ZNF268: variants seen among roughly 807,000 people sequenced by gnomAD.
The protein encoded by ZNF268 is zinc finger protein 268.
Under a neutral mutation model 29.3 loss-of-function variants are expected in ZNF268, and 20 were observed. The ratio of observed to expected loss-of-function variants is 0.68; its 90% confidence interval spans 0.48 to 0.99. The LOEUF (loss-of-function observed/expected upper bound fraction) is 0.99. Ranked by LOEUF, ZNF268 falls within the 50% of genes least tolerant of loss-of-function variation. The pLI is 0.00. For missense variants in ZNF268, 1,240 were observed against 1,121.6 expected (o/e 1.11, Z -1.51); for synonymous variants, 429 against 376.9 (o/e 1.14, Z -1.60).
chr12:133,186,865 C>T (rs1956331648), intron 2 of ZNF268, among the ~76,000 whole-genome samples: 2 of 152,224 alleles, frequency 1.3e-5, no homozygotes, highest in South Asian at 2.1e-4. Flanking sequence ...ATGGCACACA[C>T]ATGCGTATAC....
intron 5 of ZNF268, among the ~76,000 whole-genome samples, chr12:133,200,687 A>G (rs1163383364): frequency 2.0e-5 from 3 of 151,894 alleles, no homozygotes; most frequent in Non-Finnish European, 4.4e-5. Flanking sequence ...TCTATTTTCT[A>G]TCTTTCCCTT....
rs944184499 is a variant in ZNF268, at chr12:133,211,107, A to G, written c.*6577A>G. The G allele has an allele frequency of 1.1e-5, 5 of 435,836 alleles. No individual in the cohort carries two copies. Among genetic ancestry groups the G allele is most frequent in the African/African-American group, 1.0e-4 (5 of 49,426 alleles). The allele number at this position is 435,836 out of a possible 1,614,324, so 27.0% of individuals were successfully genotyped here. A position where few individuals can be genotyped will look rare whatever the true frequency, so the allele number is the denominator to read the frequency against. Reference sequence around the variant, plus strand: ...AGTAGATGGCCATAGACAAAAGTCAAGTGATTTCCTATATATTTGAAATAA... The same window carrying G: ...AGTAGATGGCCATAGACAAAAGTCAGGTGATTTCCTATATATTTGAAATAA... On this transcript the variant is annotated 3_prime_UTR_variant, in exon 6 of 6. Transcript: ENST00000536435.
intron 2 of ZNF268, among the ~76,000 whole-genome samples, chr12:133,185,055 G>A (rs999839445): frequency 3.3e-5 from 5 of 151,504 alleles, no homozygotes; most frequent in African/African-American, 1.2e-4. Context: ...GTGATGGTGG[G>A]CACCTGTAAT....
chr12:133,200,256 T>A (rs999673536), intron 5 of ZNF268, among the ~76,000 whole-genome samples: 1 of 152,230 alleles, frequency 6.6e-6, no homozygotes, highest in African/African-American at 2.4e-5. Flanking sequence ...TCAAAGAACA[T>A]CTTTATTTCT....
chr12:133,201,890 C>T (rs929312856), intron 5 of ZNF268, among the ~76,000 whole-genome samples: 1 of 151,960 alleles, frequency 6.6e-6, no homozygotes, highest in Non-Finnish European at 1.5e-5. Context: ...TTTACTATGC[C>T]TATCTTCAGT....
At position 133,202,996 on chromosome 12, in the gene ZNF268, C is replaced by G. The variant is rs1956792124; in HGVS notation, c.1310C>G (p.Thr437Ser). The G allele has an allele frequency of 1.3e-6, 2 of 1,548,682 alleles. No individual in the cohort carries two copies. Among genetic ancestry groups the G allele is most frequent in the Non-Finnish European group, 1.7e-6 (2 of 1,152,534 alleles). Reference sequence around the variant, plus strand: ...TCAAACCTTATGGTACATCAGAGAACCCATACAGGGGAGAAACCTTATGTT... The same window carrying G: ...TCAAACCTTATGGTACATCAGAGAAGCCATACAGGGGAGAAACCTTATGTT... Reference protein sequence around the residue: ...TKSNLMVHQRTHTGEKPYVCS... With the variant: ...TKSNLMVHQRSHTGEKPYVCS... Residue 437 changes from threonine to serine, a missense_variant, in exon 6 of 6, where the codon ACC becomes AGC. This residue lies in a region of ZNF268 where 1,177 missense variants were observed against 1,039.6 expected (regional missense o/e 1.13). Transcript: ENST00000536435.
At chr12:133,184,385 G>A (rs887335149) in intron 2 of ZNF268, among the ~76,000 whole-genome samples, 15 of 152,134 alleles carry the variant, frequency 9.9e-5, no homozygotes, top group Non-Finnish European at 2.1e-4. Flanking sequence ...GATTACAGGC[G>A]TGAGCCACCG....
intron 5 of ZNF268, chr12:133,193,340 A>C (rs568060240): frequency 4.5e-5 from 23 of 514,168 alleles, no homozygotes; most frequent in African/African-American, 2.5e-4. Context: ...CAAAAAAAGA[A>C]GACTTCTGTC....
chr12:133,199,242 T>A (rs575931710), intron 5 of ZNF268, among the ~76,000 whole-genome samples: 51 of 152,350 alleles, frequency 3.3e-4, no homozygotes, highest in Non-Finnish European at 1.8e-4. Context: ...GTTTTTAGCA[T>A]GAAGGGTTGT....
At position 133,207,463 on chromosome 12, in the gene ZNF268, T is replaced by G. The variant is rs1046841068; in HGVS notation, c.*2933T>G. 1 of 152,240 alleles carries G rather than the reference T, an allele frequency of 6.6e-6. No homozygotes were observed. The highest frequency in any genetic ancestry group is 2.4e-5 in the African/African-American group (1 of 41,458). 9.4% of individuals were successfully genotyped at this position (152,240 alleles called of 1,614,324 possible). Reference sequence around the variant, plus strand: ...TATTAGTGGATCCAGCATCCTTTGTTCATTACCAGCAGAATCACTATTATT... The same window carrying G: ...TATTAGTGGATCCAGCATCCTTTGTGCATTACCAGCAGAATCACTATTATT... On this transcript the variant is annotated 3_prime_UTR_variant, in exon 6 of 6. Transcript: ENST00000536435.
chr12:133,190,394 C>T lies in ZNF268; in HGVS notation c.235-1095C>T, dbSNP rs1402237839. Among the ~76,000 whole-genome samples the T allele has an allele frequency of 3.3e-5, 5 of 152,302 alleles. No individual in the cohort carries two copies. The South Asian group carries it at 1.0e-3, about 32-fold the overall frequency. ...TGCCAAACTGGCTTCCAAAGTGACTCTACCACTTTTCATTCCCACCAGCAA... is the reference window on the plus strand; with the variant it reads ...TGCCAAACTGGCTTCCAAAGTGACTTTACCACTTTTCATTCCCACCAGCAA... On this transcript the variant is annotated intron_variant, in intron 3 of 5. Coordinates refer to ENST00000536435, the MANE Select transcript of ZNF268 (RefSeq NM_003415.3).
intron 3 of ZNF268, among the ~76,000 whole-genome samples, chr12:133,190,286 T>A (rs933614997): frequency 6.6e-6 from 1 of 152,248 alleles, no homozygotes; most frequent in Non-Finnish European, 1.5e-5. Flanking sequence ...CTATTTTTGC[T>A]TTGACGTAAG....
At chr12:133,184,605 CT>C in intron 2 of ZNF268, 1 of 357,108 alleles carries the variant, frequency 2.8e-6, no homozygotes, top group Non-Finnish European at 5.9e-6. Flanking sequence ...GGCCGCACCT[CT>C]TTATTTATTT....
chr12:133,191,809 C>T, intron 4 of ZNF268, 99 bp from the exon 5 acceptor site: 1 of 1,493,576 alleles, frequency 6.7e-7, no homozygotes. Flanking sequence ...AAAAAGGCAG[C>T]TTCATCATGC....
rs867837896 is a variant in ZNF268, at chr12:133,203,539, A to G, written c.1853A>G (p.Gln618Arg). Residue 618 changes from glutamine (Q) to arginine (R), a missense_variant, in exon 6 of 6, where the codon CAG (glutamine) becomes CGG (arginine). Gln to Arg is a conservative substitution (Grantham distance 43, BLOSUM62 1). Coordinates refer to ENST00000536435, the MANE Select transcript of ZNF268 (RefSeq NM_003415.3). ...GEKPFECSEC[Q>R]KAFNTKSNLI... ...AAACCATTTGAATGTAGTGAGTGTC[A>G]GAAAGCCTTTAATACAAAGTCAAAC... The G allele has an allele frequency of 3.9e-6, 6 of 1,551,238 alleles. No homozygotes were observed. Among genetic ancestry groups the G allele is most frequent in the African/African-American group, 1.4e-5 (1 of 73,204 alleles).
At position 133,213,639 on chromosome 12, in the gene ZNF268, T is replaced by G. The variant is rs542312572; in HGVS notation, c.*9109T>G. The stretch of plus-strand genomic sequence containing the variant: ...TGAAGCTGTGAGGTGGAGGTTGCAG[T>G]GAGCCGAGATCATGCTACTGCACTC... On this transcript the variant is annotated 3_prime_UTR_variant, in exon 6 of 6. Coordinates refer to ENST00000536435, the MANE Select transcript of ZNF268 (RefSeq NM_003415.3). The G allele has an allele frequency of 7.0e-6, 1 of 143,040 alleles. No individual in the cohort carries two copies. Among genetic ancestry groups the G allele is most frequent in the African/African-American group, 2.7e-5 (1 of 37,620 alleles). The allele number at this position is 143,040 out of a possible 1,614,324, so 8.9% of individuals were successfully genotyped here.
chr12:133,211,795 G>A lies in ZNF268; in HGVS notation c.*7265G>A, dbSNP rs539411345. ...CAATGCATAATAGTATAGCCACTTT[G>A]GAAGATAGTTTGACTTTTCCCCAAA... On this transcript the variant is annotated 3_prime_UTR_variant, in exon 6 of 6. Coordinates refer to ENST00000536435, the MANE Select transcript of ZNF268 (RefSeq NM_003415.3). 2 of 152,284 alleles carry A rather than the reference G, an allele frequency of 1.3e-5. No homozygotes were observed. Among genetic ancestry groups the A allele is most frequent in the African/African-American group, 4.8e-5 (2 of 41,544 alleles). 9.4% of individuals were successfully genotyped at this position (152,284 alleles called of 1,614,324 possible).
At chr12:133,195,820 C>G (rs1190236092) in intron 5 of ZNF268, among the ~76,000 whole-genome samples, 1 of 151,608 alleles carries the variant, frequency 6.6e-6, no homozygotes, top group Non-Finnish European at 1.5e-5. Context: ...CAGGTTCAAG[C>G]GATTCTCCTG....
At chr12:133,195,202 C>T (rs771910332) in intron 5 of ZNF268, among the ~76,000 whole-genome samples, 8 of 152,120 alleles carry the variant, frequency 5.3e-5, no homozygotes, top group Non-Finnish European at 1.0e-4. Flanking sequence ...TTTCCTTTTC[C>T]GTCATCATCT....
Sources: gnomAD v4.1 joint callset for allele counts (sites outside exome capture counted in the v4.1 genomes callset) on GRCh38, gnomAD v4.1.1 for gene constraint, gnomAD v4.1.1 regional missense constraint, MANE v1.5 for transcripts, NCBI Gene and HGNC (gene_info 2026-07-23, HGNC 2026-07-21) for gene names.